GPC5: variants seen among roughly 807,000 people sequenced by gnomAD.
GPC5 encodes the protein glypican-5.
In GPC5, 47 loss-of-function variants were observed where a neutral mutation model predicts 53.9. The observed-to-expected ratio is 0.87, with a 90% CI of 0.69 to 1.11. The LOEUF (loss-of-function observed/expected upper bound fraction) is 1.11. GPC5 is among the 50% of genes most tolerant of loss of function. GPC5 has a pLI of 0.00. For missense variants in GPC5, 748 were observed against 713.1 expected (o/e 1.05, Z -0.56); for synonymous variants, 286 against 263.3 (o/e 1.09, Z -0.84).
intron 7 of GPC5, among the ~76,000 whole-genome samples, chr13:92,775,092 G>A (rs2138753969): frequency 6.6e-6 from 1 of 152,270 alleles, no homozygotes; most frequent in South Asian, 2.1e-4. Context: ...CACAGTATTT[G>A]AAGGCTATGA....
chr13:91,772,964 G>C (rs572303523), intron 5 of GPC5, among the ~76,000 whole-genome samples: 1 of 152,180 alleles, frequency 6.6e-6, no homozygotes, highest in East Asian at 1.9e-4. Flanking sequence ...AAATATGGAA[G>C]AACACATTTG....
At position 92,199,882 on chromosome 13, in the gene GPC5, G is replaced by A. The variant is rs77927061; in HGVS notation, c.1561+54893G>A. ...TGCTGTATATAACATCGTGTCTCAG[G>A]AATTTCTTTGAGAAAATAGGTACAG... On this transcript the variant is annotated intron_variant, in intron 7 of 7. Coordinates refer to ENST00000377067, the MANE Select transcript of GPC5 (RefSeq NM_004466.6). Among the ~76,000 whole-genome samples, 1,163 of 152,090 alleles carry A rather than the reference G, an allele frequency of 7.6e-3. 22 individuals are homozygous for A. The highest frequency in any genetic ancestry group is 0.026 in the African/African-American group (1,086 of 41,472).
chr13:92,004,295 AT>A (rs1447377737), intron 6 of GPC5, among the ~76,000 whole-genome samples: 1 of 151,228 alleles, frequency 6.6e-6, no homozygotes, highest in Non-Finnish European at 1.5e-5. Flanking sequence ...AAATACAAAA[AT>A]TAACTGGATG....
intron 5 of GPC5, among the ~76,000 whole-genome samples, chr13:91,835,142 T>A (rs1341586392): frequency 1.3e-5 from 2 of 152,032 alleles, no homozygotes; most frequent in Admixed American, 6.6e-5. Context: ...TGAAATCTCA[T>A]CATCACTGGT....
At chr13:91,784,798 T>C (rs2037853525) in intron 5 of GPC5, among the ~76,000 whole-genome samples, 1 of 152,012 alleles carries the variant, frequency 6.6e-6, no homozygotes, top group Non-Finnish European at 1.5e-5. Context: ...GTTATAGCCA[T>C]ATGTGATTTT....
chr13:91,742,151 C>T (rs1178304815), intron 4 of GPC5, among the ~76,000 whole-genome samples: 3 of 152,092 alleles, frequency 2.0e-5, no homozygotes, highest in African/African-American at 7.2e-5. Context: ...AGGCCAGAGT[C>T]AAGACCTACA....
At chr13:92,348,014 C>A (rs2043441495) in intron 7 of GPC5, among the ~76,000 whole-genome samples, 1 of 98,076 alleles carries the variant, frequency 1.0e-5, no homozygotes, top group Non-Finnish European at 2.1e-5. Flanking sequence ...CATACCACTT[C>A]TTAAAAAAAA....
chr13:92,558,390 T>C (rs1381839331), intron 7 of GPC5, among the ~76,000 whole-genome samples: 2 of 152,046 alleles, frequency 1.3e-5, no homozygotes, highest in African/African-American at 4.8e-5. Flanking sequence ...TATTTTGTAA[T>C]TTTTTTGCAA....
chr13:92,224,993 A>C (rs996469548), intron 7 of GPC5, among the ~76,000 whole-genome samples: 2 of 152,168 alleles, frequency 1.3e-5, no homozygotes, highest in Non-Finnish European at 2.9e-5. Flanking sequence ...GACCCATGGC[A>C]CAGCACTATC....
intron 7 of GPC5, among the ~76,000 whole-genome samples, chr13:92,381,178 T>A (rs16947502): frequency 0.016 from 2,425 of 152,276 alleles, 73 homozygotes; most frequent in African/African-American, 0.056. Flanking sequence ...GTCTGAGCAT[T>A]GTACCTTAAA....
Position 91,857,718 on chromosome 13 carries a change from CAATATATAGT to C in GPC5, c.1281-50218_1281-50209del, listed in dbSNP as rs1369305896. Reference sequence around the variant, plus strand: ...AACTATATATTGAATGGAACACATTCAATATATAGTCATTAAGTATGACATTTGATGTATG... The same window carrying C: ...AACTATATATTGAATGGAACACATTCCATTAAGTATGACATTTGATGTATG... On this transcript the variant is annotated intron_variant, in intron 5 of 7. Transcript: ENST00000377067. Among the ~76,000 whole-genome samples, 4 of 150,890 alleles carry C rather than the reference CAATATATAGT, an allele frequency of 2.7e-5. No individual in the cohort carries two copies. The East Asian group carries it at 7.7e-4, about 29-fold the overall frequency.
At chr13:92,042,157 G>A (rs2138825439) in intron 6 of GPC5, among the ~76,000 whole-genome samples, 1 of 152,220 alleles carries the variant, frequency 6.6e-6, no homozygotes, top group Non-Finnish European at 1.5e-5. Context: ...AGTATGGGGA[G>A]GGCCACTTCC....
intron 3 of GPC5, among the ~76,000 whole-genome samples, chr13:91,705,702 C>A (rs941811417): frequency 2.7e-5 from 4 of 149,736 alleles, no homozygotes; most frequent in Non-Finnish European, 5.9e-5. Flanking sequence ...CACCCCCCCC[C>A]CCATATTTCC....
chr13:92,664,370 T>C (rs1418096319), intron 7 of GPC5, among the ~76,000 whole-genome samples: 1 of 146,882 alleles, frequency 6.8e-6, no homozygotes, highest in African/African-American at 2.4e-5. Context: ...TTTTTTTTTT[T>C]TTACTTAATC....
intron 2 of GPC5, among the ~76,000 whole-genome samples, chr13:91,539,155 T>G (rs1305981874): frequency 1.3e-5 from 2 of 152,220 alleles, no homozygotes; most frequent in East Asian, 3.8e-4. Context: ...GGACCTATGC[T>G]TCATCTTTTT....
chr13:91,414,796 G>A (rs1878065943), intron 1 of GPC5, among the ~76,000 whole-genome samples: 1 of 152,190 alleles, frequency 6.6e-6, no homozygotes, highest in Admixed American at 6.5e-5. Context: ...ACTTCAAGGA[G>A]GGTGTCGCCT....
intron 7 of GPC5, among the ~76,000 whole-genome samples, chr13:92,566,271 A>T (rs938013616): frequency 1.3e-5 from 2 of 152,150 alleles, no homozygotes; most frequent in Non-Finnish European, 2.9e-5. Context: ...ATAGCTATCA[A>T]TTTAGAAATC....
chr13:92,186,604 G>A (rs574824020), intron 7 of GPC5, among the ~76,000 whole-genome samples: 37 of 152,024 alleles, frequency 2.4e-4, no homozygotes, highest in Admixed American at 7.9e-4. Context: ...AGATATTCAG[G>A]GAATTAAATG....
chr13:92,739,974 A>G (rs904928941), intron 7 of GPC5, among the ~76,000 whole-genome samples: 3 of 152,026 alleles, frequency 2.0e-5, no homozygotes, highest in Non-Finnish European at 2.9e-5. Context: ...CTATCATCAA[A>G]GTCACCAGTG....
Sources: gnomAD v4.1 joint callset for allele counts (sites outside exome capture counted in the v4.1 genomes callset) on GRCh38, gnomAD v4.1.1 for gene constraint, MANE v1.5 for transcripts, NCBI Gene and HGNC (gene_info 2026-07-23, HGNC 2026-07-21) for gene names.